PKP2: variants seen among roughly 807,000 people sequenced by gnomAD.
PKP2 encodes the protein plakophilin 2, also known as plakophilin-2.
PKP2 carries 73 observed loss-of-function variants against 83.4 expected under a neutral mutation model. The observed-to-expected ratio is 0.88, with a 90% CI of 0.72 to 1.06. The LOEUF (loss-of-function observed/expected upper bound fraction) is 1.06. PKP2 is among the 50% of genes least tolerant of loss of function. The pLI is 0.00. For missense variants in PKP2, 966 were observed against 1,065.4 expected, an observed-to-expected ratio of 0.91 and a Z score of 1.30; for synonymous variants, 409 against 430.4, an observed-to-expected ratio of 0.95 and a Z score of 0.62.
intron 9 of PKP2, among the ~76,000 whole-genome samples, chr12:32,819,428 G>A (rs1956355144): frequency 6.6e-6 from 1 of 152,098 alleles, no homozygotes; most frequent in South Asian, 2.1e-4. Flanking sequence ...ACAACCTTGG[G>A]TATGAATCAG....
chr12:32,882,864 C>T (rs1591830922), intron 1 of PKP2, among the ~76,000 whole-genome samples: 1 of 152,170 alleles, frequency 6.6e-6, no homozygotes, highest in Admixed American at 6.6e-5. Context: ...TTCCTCCTTT[C>T]CCCTGGTCTC....
At chr12:32,839,076 G>T (rs1259257561) in intron 6 of PKP2, among the ~76,000 whole-genome samples, 1 of 152,154 alleles carries the variant, frequency 6.6e-6, no homozygotes, top group Non-Finnish European at 1.5e-5. Flanking sequence ...ACTTTGGTGG[G>T]TGTGAAGTAT....
intron 10 of PKP2, among the ~76,000 whole-genome samples, chr12:32,799,516 A>G (rs373426556): frequency 2.6e-5 from 4 of 152,250 alleles, no homozygotes; most frequent in African/African-American, 9.6e-5. Flanking sequence ...TCACAATTGC[A>G]AAATATGGAG....
rs1466329823 is a variant in PKP2 at position 32,821,422 on chromosome 12, A to G, written c.1947T>C (p.Ser649=). The change falls in exon 9 of 13, where the codon AGT becomes AGC. Residue 649 remains serine, a synonymous_variant. Transcript: ENST00000340811. The part of the protein sequence containing the change: ...IRMYLSLIAK[S]VRNYTQEASL... ...ATGCTTCTTGTGTGTAGTTGCGGAC[A>G]CTTTTGGCGATCAAGGACAGATACA... 1 of 1,614,102 alleles carries G rather than the reference A, an allele frequency of 6.2e-7. No individual in the cohort carries two copies. Among genetic ancestry groups the G allele is most frequent in the Non-Finnish European group, 8.5e-7 (1 of 1,180,004 alleles).
chr12:32,839,950 C>G (rs930893998), intron 6 of PKP2, among the ~76,000 whole-genome samples: 9 of 152,228 alleles, frequency 5.9e-5, no homozygotes, highest in African/African-American at 1.2e-4. Context: ...GCCCAGCTCA[C>G]TCGACACCTC....
chr12:32,886,404 T>C (rs1957030297), intron 1 of PKP2, among the ~76,000 whole-genome samples: 1 of 152,160 alleles, frequency 6.6e-6, no homozygotes, highest in Non-Finnish European at 1.5e-5. Context: ...ATCCTTAAAG[T>C]CATTTACTAG....
chr12:32,811,529 A>G (rs142438715), intron 9 of PKP2, among the ~76,000 whole-genome samples: 1 of 152,324 alleles, frequency 6.6e-6, no homozygotes, highest in Non-Finnish European at 1.5e-5. Flanking sequence ...CAACCAGACT[A>G]TTGATTATTC....
intron 4 of PKP2, among the ~76,000 whole-genome samples, chr12:32,855,254 T>C (rs1014545944): frequency 2.0e-5 from 3 of 152,134 alleles, no homozygotes; most frequent in African/African-American, 4.8e-5. Context: ...TGGTTGATGG[T>C]TGTCACATAC....
chr12:32,874,326 C>T (rs570010979), intron 3 of PKP2, among the ~76,000 whole-genome samples: 6 of 152,198 alleles, frequency 3.9e-5, no homozygotes, highest in East Asian at 3.9e-4. Context: ...TGAAATGAGG[C>T]GTGGAGCCCA....
At position 32,850,857 on chromosome 12, in the gene PKP2, G is replaced by C; in HGVS notation, c.1287C>G (p.Asn429Lys). ...LRNLVFEDND[N>K]KLEVAELNGV... is the part of the protein sequence containing the mutation. ...CATTTAGTTCAGCCACCTCCAATTT[G>C]TTGTCATTGTCTTCAAATACTAAGT... The change falls in exon 5 of 13, where the codon AAC (asparagine) becomes AAG (lysine). Residue 429 changes from asparagine (N) to lysine (K), a missense_variant. By Grantham distance (94) the Asn-to-Lys change is moderately conservative (BLOSUM62 0). Coordinates refer to ENST00000340811, the MANE Select transcript of PKP2 (RefSeq NM_001005242.3). 3 of 1,613,902 alleles carry C rather than the reference G, an allele frequency of 1.9e-6. No individual in the cohort carries two copies. The highest frequency in any genetic ancestry group is 2.5e-6 in the Non-Finnish European group (3 of 1,179,850).
At chr12:32,888,647 G>A (rs1220160411) in intron 1 of PKP2, among the ~76,000 whole-genome samples, 2 of 101,428 alleles carry the variant, frequency 2.0e-5, no homozygotes, top group Non-Finnish European at 5.3e-5. Flanking sequence ...GCGCCACCAC[G>A]CCCAGCTTAT....
chr12:32,857,745 A>G (rs899653052), intron 4 of PKP2, among the ~76,000 whole-genome samples: 15 of 151,954 alleles, frequency 9.9e-5, no homozygotes, highest in African/African-American at 3.6e-4. Flanking sequence ...TCTTTGTTCT[A>G]CCTTTATCTC....
chr12:32,828,119 G>A (rs1956460085), intron 6 of PKP2, among the ~76,000 whole-genome samples: 2 of 152,152 alleles, frequency 1.3e-5, no homozygotes, highest in African/African-American at 2.4e-5. Context: ...GCTTGATATC[G>A]GGAAGAATCT....
chr12:32,798,382 C>A (rs185824498), intron 10 of PKP2, among the ~76,000 whole-genome samples: 1 of 151,888 alleles, frequency 6.6e-6, no homozygotes, highest in Non-Finnish European at 1.5e-5. Flanking sequence ...TGAGCCACTG[C>A]GCCTGGCCTA....
At chr12:32,868,585 C>T (rs982682138) in intron 4 of PKP2, among the ~76,000 whole-genome samples, 10 of 151,882 alleles carry the variant, frequency 6.6e-5, no homozygotes, top group South Asian at 4.2e-4. Context: ...TGCAGTGGCG[C>T]GAACTCAGTT....
chr12:32,841,324 G>A, intron 5 of PKP2, 119 bp from the exon 6 acceptor site: 2 of 780,220 alleles, frequency 2.6e-6, no homozygotes, highest in Non-Finnish European at 4.4e-6. Flanking sequence ...AATTTGGGGG[G>A]TTGGGGGGCC....
At chr12:32,822,352 A>C (rs1956387920) in intron 8 of PKP2, 115 bp downstream of exon 8, 1 of 885,814 alleles carries the variant, frequency 1.1e-6, no homozygotes, top group Non-Finnish European at 1.8e-6. Context: ...TAAGAATTAA[A>C]ATAACTTAAA....
At chr12:32,837,104 G>A (rs892299687) in intron 6 of PKP2, among the ~76,000 whole-genome samples, 3 of 152,206 alleles carry the variant, frequency 2.0e-5, no homozygotes, top group African/African-American at 7.2e-5. Flanking sequence ...GAACAACACT[G>A]AAATGCTGAT....
intron 5 of PKP2, among the ~76,000 whole-genome samples, chr12:32,842,532 C>T (rs2137835190): frequency 6.6e-6 from 1 of 151,766 alleles, no homozygotes; most frequent in South Asian, 2.1e-4. Context: ...TGAGCCATTG[C>T]CTGGCCCGCC....
Sources: gnomAD v4.1 joint callset for allele counts (sites outside exome capture counted in the v4.1 genomes callset) on GRCh38, gnomAD v4.1.1 for gene constraint, MANE v1.5 for transcripts, NCBI Gene and HGNC (gene_info 2026-07-23, HGNC 2026-07-21) for gene names.